MAGI2: variants seen among roughly 807,000 people sequenced by gnomAD.
The protein encoded by MAGI2 is membrane associated guanylate kinase, WW and PDZ domain containing 2.
In MAGI2, 35 loss-of-function variants were observed where a neutral mutation model predicts 133.3. The ratio of observed to expected loss-of-function variants is 0.26; its 90% CI spans 0.20 to 0.35. The LOEUF (loss-of-function observed/expected upper bound fraction) is 0.35. Ranked by LOEUF, MAGI2 falls within the 10% of genes least tolerant of loss-of-function variation. The probability of loss-of-function intolerance (pLI) is 1.00; values close to 1 mark genes in which losing one functional copy is unlikely to be tolerated. For synonymous variants in MAGI2, 729 were observed against 710.6 expected, an observed-to-expected ratio of 1.03 and a Z score of -0.41; for missense variants, 1,636 against 1,863.4, an observed-to-expected ratio of 0.88 and a Z score of 2.25.
intron 6 of MAGI2, among the ~76,000 whole-genome samples, chr7:78,426,974 CAT>C (rs1370794586): frequency 2.0e-5 from 3 of 152,108 alleles, no homozygotes; most frequent in Admixed American, 1.3e-4. Context: ...GCACAAAAGA[CAT>C]GTGGGTGGCA....
chr7:78,088,106 T>C (rs754936512), intron 20 of MAGI2, among the ~76,000 whole-genome samples: 7 of 152,220 alleles, frequency 4.6e-5, no homozygotes, highest in African/African-American at 7.2e-5. Flanking sequence ...GGAAACTTTC[T>C]ATTGTGAACT....
At chr7:78,664,824 G>T (rs951576623) in intron 2 of MAGI2, among the ~76,000 whole-genome samples, 3 of 151,878 alleles carry the variant, frequency 2.0e-5, no homozygotes, top group African/African-American at 7.2e-5. Flanking sequence ...CTTTTTAAAA[G>T]CACTTTTATT....
chr7:79,331,490 A>G (rs1840067716), intron 1 of MAGI2, among the ~76,000 whole-genome samples: 1 of 152,158 alleles, frequency 6.6e-6, no homozygotes, highest in African/African-American at 2.4e-5. Context: ...GTATTAACTT[A>G]TTTTATATAG....
chr7:78,215,605 A>T (rs967146878), intron 10 of MAGI2, among the ~76,000 whole-genome samples: 1 of 152,200 alleles, frequency 6.6e-6, no homozygotes, highest in African/African-American at 2.4e-5. Context: ...AAACGAGTCC[A>T]TTCTTTTGCC....
intron 2 of MAGI2, among the ~76,000 whole-genome samples, chr7:78,765,613 C>T (rs186774505): frequency 5.9e-5 from 9 of 152,062 alleles, no homozygotes; most frequent in Middle Eastern, 6.8e-3. Flanking sequence ...TCTCAAAGTG[C>T]TGAGATTACG....
rs1202042139 is a variant in MAGI2, at chr7:79,280,375, T to G, written c.301+172645A>C. ...GACAACCAGGTGGTAGGGTTGATAT[T>G]GTATGTAGGAGATATAAAGATACCT... On this transcript the variant is annotated intron_variant, in intron 1 of 21. Transcript: ENST00000354212. Among the ~76,000 whole-genome samples, 5 of 152,128 alleles carry G rather than the reference T, an allele frequency of 3.3e-5. No individual in the cohort carries two copies. In the East Asian group the frequency reaches 7.8e-4, roughly 24 times the overall value.
At chr7:79,117,206 T>C (rs1194722451) in intron 1 of MAGI2, among the ~76,000 whole-genome samples, 1 of 152,210 alleles carries the variant, frequency 6.6e-6, no homozygotes, top group Non-Finnish European at 1.5e-5. Context: ...TAATAGATAG[T>C]TGTTAAATTC....
rs572766763 is a variant in MAGI2, at chr7:78,074,220, C to A, written c.3706+4727G>T. ...AGATGACATATTTGCGGCATGTTTA[C>A]TCCTTCCCCCAGCTCACTTGGAGTC... On this transcript the variant is annotated intron_variant, in intron 21 of 21. Coordinates refer to ENST00000354212, the MANE Select transcript of MAGI2 (RefSeq NM_012301.4). Among the ~76,000 whole-genome samples, 12 of 152,132 alleles carry A rather than the reference C, an allele frequency of 7.9e-5. 1 individual carries two copies. Among genetic ancestry groups the A allele is most frequent in the African/African-American group, 2.9e-4 (12 of 41,422 alleles).
chr7:78,308,622 T>C (rs902118666), intron 9 of MAGI2, among the ~76,000 whole-genome samples: 3 of 152,064 alleles, frequency 2.0e-5, no homozygotes, highest in Non-Finnish European at 1.5e-5. Context: ...TTCTTCTGTA[T>C]TACTCCCTTC....
intron 1 of MAGI2, among the ~76,000 whole-genome samples, chr7:79,184,514 C>T (rs1253065260): frequency 6.0e-5 from 9 of 151,212 alleles, no homozygotes; most frequent in Non-Finnish European, 1.5e-5. Context: ...ATATTGGATT[C>T]AATTGTTTTA....
Position 79,021,900 on chromosome 7 carries a change from A to G in MAGI2, c.302-14694T>C, listed in dbSNP as rs191782917. ...AGAATCCCAATATGTCAAGGGTGGG[A>G]CCAGGTGGAGATAATTGAATCATGG... On this transcript the variant is annotated intron_variant, in intron 1 of 21. Transcript: ENST00000354212. Among the ~76,000 whole-genome samples, 384 of 152,270 alleles carry G rather than the reference A, an allele frequency of 2.5e-3. 2 individuals carry two copies. Among genetic ancestry groups the G allele is most frequent in the Middle Eastern group, 0.014 (4 of 294 alleles).
chr7:78,642,359 T>C (rs1350773883), intron 2 of MAGI2, among the ~76,000 whole-genome samples: 1 of 152,132 alleles, frequency 6.6e-6, no homozygotes, highest in Non-Finnish European at 1.5e-5. Flanking sequence ...CATATGAAAA[T>C]AAGGCAAAGA....
intron 1 of MAGI2, among the ~76,000 whole-genome samples, chr7:79,249,512 T>C (rs1477351123): frequency 6.6e-6 from 1 of 152,126 alleles, no homozygotes; most frequent in Non-Finnish European, 1.5e-5. Context: ...TAGAAGCTAC[T>C]ATGAGCAATT....
chr7:78,129,946 A>AAC (rs1273667957), intron 18 of MAGI2, among the ~76,000 whole-genome samples: 6 of 151,194 alleles, frequency 4.0e-5, no homozygotes, highest in African/African-American at 1.5e-4. Context: ...AAAAAAAAAA[A>AAC]AAAAAAAAAA....
At chr7:78,192,757 G>A (rs1349971982) in intron 12 of MAGI2, among the ~76,000 whole-genome samples, 1 of 152,124 alleles carries the variant, frequency 6.6e-6, no homozygotes, top group Non-Finnish European at 1.5e-5. Flanking sequence ...TCCTCTTTTG[G>A]CTTTCTGAGA....
Position 78,969,067 on chromosome 7 carries a change from C to T in MAGI2, c.418+38023G>A, listed in dbSNP as rs1803561475. Among the ~76,000 whole-genome samples, 3 of 152,046 alleles carry T rather than the reference C, an allele frequency of 2.0e-5. No homozygotes were observed. The South Asian group carries it at 6.2e-4, about 32-fold the overall frequency. On this transcript the variant is annotated intron_variant, in intron 2 of 21. Coordinates refer to ENST00000354212, the MANE Select transcript of MAGI2 (RefSeq NM_012301.4). ...AATGCCAGCAGCTGCACCTGGAAGC[C>T]AGGTACATTCAATATGGCGATTCCT...
At chr7:78,114,038 TGA>T (rs1176577287) in intron 20 of MAGI2, among the ~76,000 whole-genome samples, 1 of 152,210 alleles carries the variant, frequency 6.6e-6, no homozygotes, top group African/African-American at 2.4e-5. Flanking sequence ...TGTGAGCCCC[TGA>T]CAGGGTAACT....
intron 3 of MAGI2, among the ~76,000 whole-genome samples, chr7:78,557,080 C>CAAAAA (rs796371005): frequency 9.1e-4 from 37 of 40,834 alleles, no homozygotes; most frequent in South Asian, 1.8e-3. Flanking sequence ...GGCAGAGTCT[C>CAAAAA]AAAAAAAAAA....
At chr7:78,648,016 G>T (rs1416828779) in intron 2 of MAGI2, among the ~76,000 whole-genome samples, 1 of 152,134 alleles carries the variant, frequency 6.6e-6, no homozygotes, top group Non-Finnish European at 1.5e-5. Context: ...TGCTGGTGGA[G>T]GGGTAGCATT....
Sources: gnomAD v4.1 joint callset for allele counts (sites outside exome capture counted in the v4.1 genomes callset) on GRCh38, gnomAD v4.1.1 for gene constraint, MANE v1.5 for transcripts, NCBI Gene and HGNC (gene_info 2026-07-23, HGNC 2026-07-21) for gene names.